MOB3B: variants seen among roughly 807,000 people sequenced by gnomAD.
The protein encoded by MOB3B is MOB kinase activator 3B.
In MOB3B, 7 loss-of-function variants were observed where a neutral mutation model predicts 18.7. The observed-to-expected ratio is 0.37, with a 90% CI of 0.21 to 0.70. MOB3B has a LOEUF of 0.70. MOB3B is among the 30% of genes least tolerant of loss of function. The pLI is 0.52. For missense variants in MOB3B, 253 were observed against 281.3 expected (o/e 0.90, Z 0.72); for synonymous variants, 111 against 99.9 (o/e 1.11, Z -0.66).
chr9:27,518,443 C>T (rs181656174), intron 1 of MOB3B, among the ~76,000 whole-genome samples: 1 of 152,298 alleles, frequency 6.6e-6, no homozygotes, highest in East Asian at 1.9e-4. Flanking sequence ...CATTCGGGCT[C>T]AAAAGGACCC....
intron 2 of MOB3B, among the ~76,000 whole-genome samples, chr9:27,430,700 A>G (rs1220499291): frequency 1.3e-5 from 2 of 152,216 alleles, no homozygotes; most frequent in Non-Finnish European, 2.9e-5. Context: ...GAGATGAAAA[A>G]TTCCTAAAAC....
At chr9:27,355,293 G>A (rs1356270891) in intron 3 of MOB3B, among the ~76,000 whole-genome samples, 2 of 152,188 alleles carry the variant, frequency 1.3e-5, no homozygotes, top group East Asian at 1.9e-4. Flanking sequence ...GTTCCATACT[G>A]TGGAATCCCA....
At chr9:27,468,573 C>T (rs1051897666) in intron 1 of MOB3B, among the ~76,000 whole-genome samples, 6 of 152,146 alleles carry the variant, frequency 3.9e-5, no homozygotes, top group African/African-American at 1.4e-4. Flanking sequence ...TGCCCCAGGA[C>T]CACATACTGT....
At chr9:27,380,675 GC>G (rs942157343) in intron 2 of MOB3B, among the ~76,000 whole-genome samples, 1 of 151,892 alleles carries the variant, frequency 6.6e-6, no homozygotes, top group African/African-American at 2.4e-5. Context: ...CCAGCTTCTG[GC>G]CCCTCCCCAC....
chr9:27,485,085 G>A (rs1819714729), intron 1 of MOB3B, among the ~76,000 whole-genome samples: 1 of 152,172 alleles, frequency 6.6e-6, no homozygotes, highest in Non-Finnish European at 1.5e-5. Context: ...TCAGCTGGAT[G>A]TCTCAAGGGC....
intron 3 of MOB3B, among the ~76,000 whole-genome samples, chr9:27,350,777 C>G (rs952461429): frequency 2.0e-5 from 3 of 152,166 alleles, no homozygotes; most frequent in Admixed American, 2.0e-4. Flanking sequence ...CAACCACCAA[C>G]AGCCGATGCC....
At chr9:27,457,547 C>T (rs547187345) in intron 1 of MOB3B, among the ~76,000 whole-genome samples, 105 of 152,328 alleles carry the variant, frequency 6.9e-4, no homozygotes, top group African/African-American at 2.3e-3. Context: ...CTCTGCTCTT[C>T]GCTCAGAATT....
At chr9:27,501,624 T>C (rs1167474905) in intron 1 of MOB3B, among the ~76,000 whole-genome samples, 1 of 145,756 alleles carries the variant, frequency 6.9e-6, no homozygotes, top group Non-Finnish European at 1.5e-5. Context: ...GGGGGAAGGA[T>C]AGCATTGGGA....
intron 2 of MOB3B, among the ~76,000 whole-genome samples, chr9:27,427,118 G>A (rs989500453): frequency 3.3e-5 from 5 of 152,194 alleles, no homozygotes; most frequent in Admixed American, 6.5e-5. Flanking sequence ...TCCAAGGCTT[G>A]ACTTCCTGCC....
At chr9:27,498,668 C>T (rs533060676) in intron 1 of MOB3B, among the ~76,000 whole-genome samples, 2 of 152,298 alleles carry the variant, frequency 1.3e-5, no homozygotes, top group South Asian at 4.1e-4. Flanking sequence ...ACAGAGAAAA[C>T]CCTGATTTGT....
rs1820767904 is a variant in MOB3B, at chr9:27,330,292, C to T, written c.*295G>A. ...CGGCAGGTCACAGGCAGAACTGTGC[C>T]ATGTGTGGAAGTGCAGAGGCTTCCT... On this transcript the variant is annotated 3_prime_UTR_variant, in exon 4 of 4. Transcript: ENST00000262244. 3.2e-6 allele frequency: 1 copy of T among 315,826 alleles called. No individual in the cohort carries two copies. Among genetic ancestry groups the T allele is most frequent in the East Asian group, 5.6e-5 (1 of 17,836 alleles). 19.6% of individuals were successfully genotyped at this position (315,826 alleles called of 1,614,324 possible). A position where few individuals can be genotyped will look rare whatever the true frequency, so the allele number is the denominator to read the frequency against.
intron 2 of MOB3B, among the ~76,000 whole-genome samples, chr9:27,398,924 A>G (rs992977130): frequency 1.4e-5 from 2 of 142,682 alleles, no homozygotes; most frequent in African/African-American, 2.5e-5. Flanking sequence ...ACTATATGCA[A>G]TTGCTGATGG....
At chr9:27,498,891 C>T (rs1020993394) in intron 1 of MOB3B, among the ~76,000 whole-genome samples, 26 of 152,198 alleles carry the variant, frequency 1.7e-4, no homozygotes, top group African/African-American at 6.3e-4. Flanking sequence ...TCAACACTTT[C>T]TATGAGCAAA....
At chr9:27,339,818 C>T (rs1335867978) in intron 3 of MOB3B, among the ~76,000 whole-genome samples, 2 of 152,348 alleles carry the variant, frequency 1.3e-5, no homozygotes, top group East Asian at 3.9e-4. Context: ...TGTACCACAC[C>T]AGCATGGGCC....
chr9:27,522,290 GA>G (rs1259055363), intron 1 of MOB3B, among the ~76,000 whole-genome samples: 1 of 92,394 alleles, frequency 1.1e-5, no homozygotes, highest in Non-Finnish European at 2.5e-5. Context: ...GAAAGAAAAA[GA>G]AATACTTGCT....
chr9:27,366,492 G>C (rs1405126672), intron 2 of MOB3B, among the ~76,000 whole-genome samples: 2 of 151,948 alleles, frequency 1.3e-5, no homozygotes, highest in Non-Finnish European at 1.5e-5. Context: ...AAAATAAGTT[G>C]CCTAAATGGC....
intron 1 of MOB3B, among the ~76,000 whole-genome samples, chr9:27,520,395 C>T (rs1260392205): frequency 1.3e-5 from 2 of 152,230 alleles, no homozygotes; most frequent in Non-Finnish European, 2.9e-5. Context: ...ACCATGTTAG[C>T]ATGTCAGTGC....
intron 2 of MOB3B, among the ~76,000 whole-genome samples, chr9:27,432,537 T>A (rs1160805671): frequency 2.6e-5 from 4 of 152,200 alleles, no homozygotes; most frequent in African/African-American, 9.6e-5. Context: ...AAGTCTCTTT[T>A]GAATGGAACT....
intron 2 of MOB3B, among the ~76,000 whole-genome samples, chr9:27,394,978 C>G (rs574939039): frequency 7.2e-5 from 11 of 152,268 alleles, no homozygotes; most frequent in African/African-American, 2.4e-4. Context: ...TTGTATTAAT[C>G]ATTGAGATTT....
Sources: allele counts gnomAD v4.1 joint callset (sites outside exome capture counted in the v4.1 genomes callset), GRCh38; gene constraint gnomAD v4.1.1; transcripts MANE v1.5; gene names NCBI Gene and HGNC (gene_info 2026-07-23, HGNC 2026-07-21).